OSBP2: variants seen among roughly 807,000 people sequenced by gnomAD.
OSBP2 encodes oxysterol-binding protein 2.
In OSBP2, 66 loss-of-function variants were observed where a neutral mutation model predicts 96.0. That is an observed-to-expected ratio of 0.69 (90% CI 0.56 to 0.84). OSBP2 has a LOEUF of 0.84. Among genes scored for constraint, OSBP2 ranks in the 40% least tolerant of loss-of-function variants. The pLI, the probability that OSBP2 is intolerant of heterozygous loss-of-function variation, is 0.00. For missense variants in OSBP2, 1,038 were observed against 1,222.7 expected (o/e 0.85, Z 2.25); for synonymous variants, 525 against 520.9 (o/e 1.01, Z -0.11).
chr22:30,795,518 ATT>A (rs136288), intron 2 of OSBP2, among the ~76,000 whole-genome samples: 2,792 of 122,202 alleles, frequency 0.023, 23 homozygotes, highest in Middle Eastern at 0.058. Context: ...TATCCAATGC[ATT>A]TTTTTTTTTT....
At chr22:30,780,286 T>C (rs1456637144) in intron 2 of OSBP2, among the ~76,000 whole-genome samples, 1 of 152,138 alleles carries the variant, frequency 6.6e-6, no homozygotes. Context: ...TGTGGCACGG[T>C]GAAGATCCAG....
chr22:30,834,816 CT>C (rs923598131), intron 2 of OSBP2, among the ~76,000 whole-genome samples: 123 of 138,786 alleles, frequency 8.9e-4, no homozygotes, highest in Non-Finnish European at 9.7e-4. Context: ...CTTTTCTTTT[CT>C]TTTTTTTTTC....
intron 2 of OSBP2, among the ~76,000 whole-genome samples, chr22:30,772,428 C>T (rs1478083517): frequency 2.6e-5 from 4 of 152,218 alleles, no homozygotes; most frequent in Non-Finnish European, 5.9e-5. Flanking sequence ...CTCTGTTAAG[C>T]ACCAGAAGCA....
chr22:30,793,575 TAC>T (rs1361510407), intron 2 of OSBP2, among the ~76,000 whole-genome samples: 1 of 151,504 alleles, frequency 6.6e-6, no homozygotes, highest in Admixed American at 6.6e-5. Context: ...CACTTGAGCT[TAC>T]CAGTTCAAGA....
In OSBP2 at chr22:30,871,681, TAGG is replaced by T. The variant is rs79532894; in HGVS notation, c.1107+1003_1107+1005del. 0.2 allele frequency among the ~76,000 whole-genome samples: 30,072 copies of T among 151,900 alleles called. 3,437 individuals are homozygous for T. Among genetic ancestry groups the T allele is most frequent in the East Asian group, 0.42 (2,171 of 5,128 alleles). On this transcript the variant is annotated intron_variant, in intron 3 of 13. Transcript: ENST00000332585. The surrounding 1 kb of genome is among the most constrained non-coding windows in gnomAD (Gnocchi z 4.7). The stretch of plus-strand genomic sequence containing the variant: ...CAGCTGGGGGACCCAGCCCCCAAAC[TAGG>T]AGGTTAGACCAGGGCCGGACTGGGA...
chr22:30,842,407 A>G lies in OSBP2; in HGVS notation c.854-28022A>G, dbSNP rs921196968. On this transcript the variant is annotated intron_variant, in intron 2 of 13. Transcript: ENST00000332585. ...CTTGCCTTGATGTTGATGGCTGGTG[A>G]CTGATCAGCGTGGTGATTGCTGAAG... 5.3e-5 allele frequency among the ~76,000 whole-genome samples: 8 copies of G among 152,188 alleles called. 1 individual carries two copies. In the South Asian group the frequency reaches 1.7e-3, roughly 32 times the overall value.
rs2039330877 is a variant in OSBP2, at chr22:30,866,096, C to T, written c.854-4333C>T. Among the ~76,000 whole-genome samples the T allele has an allele frequency of 1.3e-5, 2 of 152,188 alleles. 1 individual carries two copies. Among genetic ancestry groups the T allele is most frequent in the South Asian group, 4.2e-4 (2 of 4,806 alleles). On this transcript the variant is annotated intron_variant, in intron 2 of 13. Coordinates refer to ENST00000332585, the MANE Select transcript of OSBP2 (RefSeq NM_030758.4). ...GCCCAGCCACAGCAAGTCAGTGTGACAGACAAGAAATGGCTCCCAAAGATG... is the reference window on the plus strand; with the variant it reads ...GCCCAGCCACAGCAAGTCAGTGTGATAGACAAGAAATGGCTCCCAAAGATG...
chr22:30,775,202 C>T (rs1458739764), intron 2 of OSBP2, among the ~76,000 whole-genome samples: 1 of 152,102 alleles, frequency 6.6e-6, no homozygotes, highest in African/African-American at 2.4e-5. Context: ...TCCCCATTTC[C>T]TCTCTCTCAG....
intron 1 of OSBP2, among the ~76,000 whole-genome samples, chr22:30,715,552 GA>G (rs2089437116): frequency 1.4e-5 from 1 of 72,322 alleles, no homozygotes; most frequent in Admixed American, 1.9e-4. Context: ...CTAATTTTTA[GA>G]TTTTTTTTTT....
intron 2 of OSBP2, among the ~76,000 whole-genome samples, chr22:30,769,606 G>A (rs4820027): frequency 2.0e-5 from 3 of 152,060 alleles, no homozygotes; most frequent in Non-Finnish European, 2.9e-5. Flanking sequence ...CGGAGATTGC[G>A]CCACTACATT....
At chr22:30,901,154 C>T (rs548228024) in intron 12 of OSBP2, among the ~76,000 whole-genome samples, 14 of 152,216 alleles carry the variant, frequency 9.2e-5, no homozygotes, top group African/African-American at 1.4e-4. Flanking sequence ...TTGCAACCTC[C>T]GCCTCCCGGG....
At chr22:30,822,508 G>GGACCCACGAGTATCCGCCGCCTC in intron 2 of OSBP2, 3 of 1,348,414 alleles carry the variant, frequency 2.2e-6, no homozygotes, top group Non-Finnish European at 2.9e-6. Flanking sequence ...CGCGGCGCCG[G>GGACCCACGAGTATCCGCCGCCTC]GACCCACGAG....
At chr22:30,707,617 T>C (rs142826155) in intron 1 of OSBP2, among the ~76,000 whole-genome samples, 5,382 of 150,374 alleles carry the variant, frequency 0.036, 142 homozygotes, top group Non-Finnish European at 0.052. Context: ...CTCGGGAGGC[T>C]GAGGCAGAGG....
chr22:30,784,176 T>TGG (rs879931151), intron 2 of OSBP2, among the ~76,000 whole-genome samples: 2,518 of 152,310 alleles, frequency 0.017, 69 homozygotes, highest in African/African-American at 0.056. Context: ...TTTGTAGGAA[T>TGG]TCACTTAGTG....
intron 2 of OSBP2, among the ~76,000 whole-genome samples, chr22:30,805,571 G>T (rs975002910): frequency 6.6e-6 from 1 of 152,196 alleles, no homozygotes; most frequent in African/African-American, 2.4e-5. Flanking sequence ...TGGCATGTGG[G>T]TGCTCAATGT....
At chr22:30,792,397 C>T (rs868704016) in intron 2 of OSBP2, among the ~76,000 whole-genome samples, 2 of 152,012 alleles carry the variant, frequency 1.3e-5, no homozygotes, top group Middle Eastern at 6.8e-3. Context: ...TTTCATCCAC[C>T]ATCTGCAGTA....
intron 2 of OSBP2, among the ~76,000 whole-genome samples, chr22:30,838,581 A>G (rs2038682152): frequency 6.6e-6 from 1 of 152,150 alleles, no homozygotes; most frequent in Admixed American, 6.5e-5. Flanking sequence ...TTCACCATTA[A>G]CTACGATCTG....
At chr22:30,863,770 C>A (rs1459848180) in intron 2 of OSBP2, among the ~76,000 whole-genome samples, 1 of 152,192 alleles carries the variant, frequency 6.6e-6, no homozygotes, top group Non-Finnish European at 1.5e-5. Context: ...GCGAATCCTG[C>A]TGGTGACTGA....
intron 2 of OSBP2, among the ~76,000 whole-genome samples, chr22:30,770,016 A>G (rs570842303): frequency 6.6e-6 from 1 of 152,160 alleles, no homozygotes; most frequent in Non-Finnish European, 1.5e-5. Flanking sequence ...GATGGTTTAT[A>G]AAGGGGAGTT....
Sources: allele counts gnomAD v4.1 joint callset (sites outside exome capture counted in the v4.1 genomes callset), GRCh38; gene constraint gnomAD v4.1.1; non-coding constraint Gnocchi (gnomAD v3.1); transcripts MANE v1.5; gene names NCBI Gene and HGNC (gene_info 2026-07-23, HGNC 2026-07-21).